NFE2L3: variants seen among roughly 807,000 people sequenced by gnomAD.
NFE2L3 encodes NFE2 like bZIP transcription factor 3.
In NFE2L3, 18 loss-of-function variants were observed where a neutral mutation model predicts 23.5. The observed-to-expected ratio is 0.77, with a 90% CI of 0.53 to 1.13. NFE2L3 has a LOEUF of 1.13. Ranked by LOEUF, NFE2L3 falls within the 50% of genes most tolerant of loss-of-function variation. The pLI, the probability that NFE2L3 is intolerant of heterozygous loss-of-function variation, is 0.00. For missense variants in NFE2L3, 1,152 were observed against 877.2 expected (o/e 1.31, Z -3.96); for synonymous variants, 424 against 354.5 (o/e 1.20, Z -2.20).
At chr7:26,172,600 TCTCA>T (rs1562673743) in intron 1 of NFE2L3, among the ~76,000 whole-genome samples, 1 of 151,834 alleles carries the variant, frequency 6.6e-6, no homozygotes, top group East Asian at 1.9e-4. Flanking sequence ...AACACTCCTC[TCTCA>T]GTGTTTCTTC....
intron 1 of NFE2L3, among the ~76,000 whole-genome samples, chr7:26,175,204 A>AG (rs1054945225): frequency 4.0e-5 from 6 of 150,622 alleles, no homozygotes; most frequent in African/African-American, 1.5e-4. Flanking sequence ...AAAAAAAAAA[A>AG]AAAAAAATAG....
intron 1 of NFE2L3, among the ~76,000 whole-genome samples, chr7:26,155,113 T>C (rs1784061800): frequency 6.6e-6 from 1 of 152,178 alleles, no homozygotes; most frequent in African/African-American, 2.4e-5. Flanking sequence ...CCTTGTGTGG[T>C]GCACTGGCCA....
intron 1 of NFE2L3, among the ~76,000 whole-genome samples, chr7:26,171,370 C>G (rs1784325465): frequency 6.6e-6 from 1 of 152,022 alleles, no homozygotes; most frequent in Admixed American, 6.5e-5. Context: ...ATGGTGAAAC[C>G]TCGTTTCTAC....
At position 26,185,018 on chromosome 7, in the gene NFE2L3, T is replaced by C. The variant is rs1782444031; in HGVS notation, c.1320T>C (p.Ser440=). Residue 440 remains serine (S), a synonymous_variant, in exon 4 of 4, where the codon TCT becomes TCC. Transcript: ENST00000056233. ...TSVIKSNSSH[S]VCDEGAIGYC... ...TCATCAAGTCTAATTCCTCTCACTC[T>C]GTGTGTGATGAAGGTGCTATAGGTT... is the stretch of plus-strand genomic sequence containing the variant. 1 of 1,613,800 alleles carries C rather than the reference T, an allele frequency of 6.2e-7. No individual in the cohort carries two copies. Among genetic ancestry groups the C allele is most frequent in the African/African-American group, 1.3e-5 (1 of 75,038 alleles).
chr7:26,185,848 A>T lies in NFE2L3; in HGVS notation c.*65A>T, dbSNP rs1782471760. 1 of 1,318,508 alleles carries T rather than the reference A, an allele frequency of 7.6e-7. No individual in the cohort carries two copies. The highest frequency in any genetic ancestry group is 2.8e-5 in the Admixed American group (1 of 35,478). The allele number at this position is 1,318,508 out of a possible 1,614,324, so 81.7% of individuals were successfully genotyped here. A position where few individuals can be genotyped will look rare whatever the true frequency, so the allele number is the denominator to read the frequency against. ...TGTTCAGAAACTGATTATTTGGATC[A>T]GAAACCATTGAAACTGCTTCAAGAA... is the stretch of plus-strand genomic sequence containing the variant. On this transcript the variant is annotated 3_prime_UTR_variant, in exon 4 of 4. Transcript: ENST00000056233.
intron 1 of NFE2L3, among the ~76,000 whole-genome samples, chr7:26,175,218 G>A (rs867465918): frequency 1.2e-4 from 18 of 151,440 alleles, no homozygotes; most frequent in African/African-American, 4.1e-4. Flanking sequence ...AAAATAGCTG[G>A]GCGTGGTGGC....
intron 2 of NFE2L3, among the ~76,000 whole-genome samples, chr7:26,179,763 T>C (rs181201787): frequency 2.0e-5 from 3 of 152,086 alleles, no homozygotes; most frequent in African/African-American, 7.2e-5. Context: ...CTTTCCTCAG[T>C]TTTGTGTGGC....
chr7:26,154,325 A>G (rs1784049437), intron 1 of NFE2L3, among the ~76,000 whole-genome samples: 1 of 152,144 alleles, frequency 6.6e-6, no homozygotes, highest in South Asian at 2.1e-4. Context: ...CTGCCCTCTA[A>G]TAAGTGAGTA....
At chr7:26,160,307 G>A (rs930411215) in intron 1 of NFE2L3, among the ~76,000 whole-genome samples, 3 of 152,172 alleles carry the variant, frequency 2.0e-5, no homozygotes, top group Admixed American at 1.3e-4. Context: ...AGCCTGCCTA[G>A]GCTGAGGTAC....
rs1389378418 is a variant in NFE2L3 at position 26,152,850 on chromosome 7, G to T, written c.352G>T (p.Ala118Ser). Residue 118 changes from alanine to serine, a missense_variant, in exon 1 of 4, where the codon GCC (alanine) becomes TCC (serine). Ala to Ser is a moderately conservative substitution (Grantham distance 99). Coordinates refer to ENST00000056233, the MANE Select transcript of NFE2L3 (RefSeq NM_004289.7). The surrounding 1 kb of genome is among the most constrained non-coding windows in gnomAD (Gnocchi z 4.4). The stretch of plus-strand genomic sequence containing the variant: ...TGCATGGCTGGTGCACAGCGTGGCT[G>T]CCGGGAGCGCGGACGAGGCCCACGG... ...VDAWLVHSVAAGSADEAHGLL... is the reference protein window; with the variant it reads ...VDAWLVHSVASGSADEAHGLL... 2.7e-6 allele frequency: 4 copies of T among 1,473,564 alleles called. No homozygotes were observed. Among genetic ancestry groups the T allele is most frequent in the Admixed American group, 2.4e-5 (1 of 41,346 alleles). 91.3% of individuals were successfully genotyped at this position (1,473,564 alleles called of 1,614,324 possible).
At chr7:26,167,001 C>T (rs557881348) in intron 1 of NFE2L3, among the ~76,000 whole-genome samples, 4 of 152,364 alleles carry the variant, frequency 2.6e-5, no homozygotes, top group African/African-American at 9.6e-5. Flanking sequence ...AAACCCTCTA[C>T]CACATGACTC....
rs781675162 is a variant in NFE2L3 at position 26,184,811 on chromosome 7, T to C, written c.1113T>C (p.His371=). 1.4e-5 allele frequency: 23 copies of C among 1,613,772 alleles called. No individual in the cohort carries two copies. Among genetic ancestry groups the C allele is most frequent in the Non-Finnish European group, 1.6e-5 (19 of 1,179,788 alleles). ...LTGFLSPVDN[H]MRNLTSQDLL... ...GATTTCTTTCACCGGTTGACAATCA[T>C]ATGAGGAATCTAACAAGCCAAGACC... Residue 371 remains histidine, a synonymous_variant, in exon 4 of 4, where the codon CAT becomes CAC. Coordinates refer to ENST00000056233, the MANE Select transcript of NFE2L3 (RefSeq NM_004289.7).
chr7:26,185,130 T>C lies in NFE2L3; in HGVS notation c.1432T>C (p.Leu478=). The C allele has an allele frequency of 6.2e-7, 1 of 1,613,926 alleles. No homozygotes were observed. The highest frequency in any genetic ancestry group is 8.5e-7 in the Non-Finnish European group (1 of 1,179,830). Reference sequence around the variant, plus strand: ...CCCAGAACCCAGTAAGCTTTGTCACTTGGATCAAAGTGATTCTGATTTCCA... The same window carrying C: ...CCCAGAACCCAGTAAGCTTTGTCACCTGGATCAAAGTGATTCTGATTTCCA... The part of the protein sequence containing the change: ...YYPEPSKLCH[L]DQSDSDFHGD... Residue 478 remains leucine (L), a synonymous_variant, in exon 4 of 4, where the codon TTG becomes CTG. Coordinates refer to ENST00000056233, the MANE Select transcript of NFE2L3 (RefSeq NM_004289.7).
At position 26,152,454 on chromosome 7, in the gene NFE2L3, G is replaced by C; in HGVS notation, c.-45G>C. ...TGTCACCCCGGCGGCTGGGGCGCCG[G>C]GACCCGCGGGCGCCGGCAGGGGCGT... On this transcript the variant is annotated 5_prime_UTR_variant, in exon 1 of 4. Coordinates refer to ENST00000056233, the MANE Select transcript of NFE2L3 (RefSeq NM_004289.7). This position sits in a 1 kb window ranked among gnomAD's most constrained non-coding sequence, Gnocchi z 4.4. 8.2e-7 allele frequency: 1 copy of C among 1,224,346 alleles called. No individual in the cohort carries two copies. Among genetic ancestry groups the C allele is most frequent in the Non-Finnish European group, 1.0e-6 (1 of 981,388 alleles). 75.8% of individuals were successfully genotyped at this position (1,224,346 alleles called of 1,614,324 possible).
chr7:26,184,416 C>T, intron 3 of NFE2L3, 117 bp from the exon 4 acceptor site: 8 of 890,388 alleles, frequency 9.0e-6, no homozygotes, highest in South Asian at 8.2e-5. Flanking sequence ...CCAACAGCAT[C>T]TATCTCTATT....
intron 1 of NFE2L3, among the ~76,000 whole-genome samples, chr7:26,154,372 G>A (rs1336309129): frequency 2.6e-5 from 4 of 152,148 alleles, no homozygotes; most frequent in African/African-American, 9.7e-5. Context: ...CTGTAACACA[G>A]AGTTGAAACC....
intron 1 of NFE2L3, among the ~76,000 whole-genome samples, chr7:26,166,908 C>T (rs1199116773): frequency 6.6e-6 from 1 of 152,168 alleles, no homozygotes; most frequent in Non-Finnish European, 1.5e-5. Context: ...AAAAGCAGGT[C>T]TCCATCCCTC....
At chr7:26,177,896 G>C in intron 1 of NFE2L3, 47 bp from the exon 2 acceptor site, 11 of 1,544,874 alleles carry the variant, frequency 7.1e-6, no homozygotes, top group Non-Finnish European at 9.7e-6. Context: ...GCACAATGCA[G>C]TTTTAAAGAC....
At chr7:26,153,372 C>T (rs559216956) in intron 1 of NFE2L3, among the ~76,000 whole-genome samples, 1 of 152,168 alleles carries the variant, frequency 6.6e-6, no homozygotes, top group Non-Finnish European at 1.5e-5. Flanking sequence ...AGAAGCAATG[C>T]CCACTGTCTT....
Sources: allele counts gnomAD v4.1 joint callset (sites outside exome capture counted in the v4.1 genomes callset), GRCh38; gene constraint gnomAD v4.1.1; non-coding constraint Gnocchi (gnomAD v3.1); transcripts MANE v1.5; gene names NCBI Gene and HGNC (gene_info 2026-07-23, HGNC 2026-07-21).